The following PRKG1 variants were observed in gnomAD, a reference collection of about 807,000 sequenced individuals.
The protein encoded by PRKG1 is cGMP-dependent protein kinase 1.
PRKG1 carries 35 observed loss-of-function variants against 88.1 expected under a neutral mutation model. The observed-to-expected ratio is 0.40, with a 90% confidence interval of 0.30 to 0.53. The LOEUF (loss-of-function observed/expected upper bound fraction) is 0.53. PRKG1 is among the 20% of genes least tolerant of loss of function. The pLI, the probability that PRKG1 is intolerant of heterozygous loss-of-function variation, is 0.59. For synonymous variants in PRKG1, 303 were observed against 292.5 expected (o/e 1.04, Z -0.37); for missense variants, 540 against 839.8 (o/e 0.64, Z 4.41).
chr10:52,059,414 A>T (rs1382169050), intron 6 of PRKG1, among the ~76,000 whole-genome samples: 1 of 129,542 alleles, frequency 7.7e-6, no homozygotes, highest in Admixed American at 8.6e-5. Context: ...GAAATAAACA[A>T]ATTGTGTCAT....
chr10:52,089,902 C>T (rs1402946009), intron 7 of PRKG1, among the ~76,000 whole-genome samples: 2 of 140,484 alleles, frequency 1.4e-5, no homozygotes, highest in Non-Finnish European at 3.0e-5. Context: ...GCAACCTCTG[C>T]CTGCCACGTT....
chr10:51,096,097 A>G (rs1844520398), intron 1 of PRKG1, among the ~76,000 whole-genome samples: 1 of 152,108 alleles, frequency 6.6e-6, no homozygotes, highest in South Asian at 2.1e-4. Flanking sequence ...CTTTTTATTT[A>G]ATAAATTTAG....
chr10:52,246,876 C>CAA (rs756775020), intron 9 of PRKG1, among the ~76,000 whole-genome samples: 16,049 of 54,616 alleles, frequency 0.29, 1,835 homozygotes, highest in South Asian at 0.36. Flanking sequence ...AACACAGTCT[C>CAA]AAAAAAAAAA....
chr10:51,204,863 G>A (rs893219335), intron 2 of PRKG1, among the ~76,000 whole-genome samples: 1 of 152,096 alleles, frequency 6.6e-6, no homozygotes, highest in Non-Finnish European at 1.5e-5. Context: ...GAAGGGATTG[G>A]AGCTGAGTTT....
intron 3 of PRKG1, among the ~76,000 whole-genome samples, chr10:51,535,841 G>A (rs1842136524): frequency 6.6e-6 from 1 of 151,336 alleles, no homozygotes; most frequent in African/African-American, 2.4e-5. Context: ...TCCTGTCTCA[G>A]CCTCCTGAGT....
chr10:51,442,045 G>T (rs1839126276), intron 2 of PRKG1, among the ~76,000 whole-genome samples: 1 of 151,414 alleles, frequency 6.6e-6, no homozygotes, highest in African/African-American at 2.4e-5. Flanking sequence ...AATGTGGGAA[G>T]TTTTACTTTT....
intron 5 of PRKG1, among the ~76,000 whole-genome samples, chr10:51,967,488 A>G (rs1292279206): frequency 1.3e-5 from 2 of 152,142 alleles, no homozygotes; most frequent in Non-Finnish European, 2.9e-5. Context: ...GCAGCACACC[A>G]ACATGGCACA....
At chr10:52,210,095 G>A (rs1323509093) in intron 9 of PRKG1, among the ~76,000 whole-genome samples, 1 of 152,116 alleles carries the variant, frequency 6.6e-6, no homozygotes, top group Non-Finnish European at 1.5e-5. Context: ...TAAACATTTA[G>A]ATGATGCCTA....
intron 2 of PRKG1, among the ~76,000 whole-genome samples, chr10:51,235,225 T>G (rs1838953091): frequency 1.3e-5 from 2 of 152,178 alleles, no homozygotes. Flanking sequence ...TGTTACTTAT[T>G]GTGGTATCTG....
chr10:52,092,978 C>T (rs1223425262), intron 7 of PRKG1, among the ~76,000 whole-genome samples: 1 of 152,074 alleles, frequency 6.6e-6, no homozygotes, highest in African/African-American at 2.4e-5. Flanking sequence ...ACTGTAGAAT[C>T]CTGGTTTTGA....
intron 3 of PRKG1, among the ~76,000 whole-genome samples, chr10:51,700,731 T>C (rs1270580524): frequency 6.6e-6 from 1 of 152,214 alleles, no homozygotes; most frequent in Non-Finnish European, 1.5e-5. Flanking sequence ...ATTGAATATA[T>C]GAAATGAAGC....
chr10:51,934,207 A>T (rs1842754404), intron 5 of PRKG1, among the ~76,000 whole-genome samples: 1 of 152,018 alleles, frequency 6.6e-6, no homozygotes, highest in Non-Finnish European at 1.5e-5. Context: ...TCATTGGAAA[A>T]GAAAAAATCC....
chr10:52,118,312 C>T (rs1484612295), intron 7 of PRKG1, among the ~76,000 whole-genome samples: 2 of 151,856 alleles, frequency 1.3e-5, no homozygotes. Context: ...TTATTATCAC[C>T]TTGCAGAAAC....
chr10:51,351,272 C>G (rs183441398), intron 2 of PRKG1, among the ~76,000 whole-genome samples: 94 of 152,184 alleles, frequency 6.2e-4, no homozygotes, highest in African/African-American at 2.1e-3. Flanking sequence ...GGGTATTTAC[C>G]CAGTAATGGG....
intron 2 of PRKG1, among the ~76,000 whole-genome samples, chr10:51,401,105 A>T (rs993460080): frequency 2.6e-5 from 4 of 152,236 alleles, no homozygotes; most frequent in African/African-American, 9.6e-5. Flanking sequence ...ACACTATAAA[A>T]TTTTTTAAAA....
At chr10:52,028,719 A>G (rs1407699764) in intron 5 of PRKG1, among the ~76,000 whole-genome samples, 5 of 152,136 alleles carry the variant, frequency 3.3e-5, no homozygotes, top group Non-Finnish European at 5.9e-5. Flanking sequence ...ATTGGTTTTG[A>G]TATTTTGAAC....
chr10:51,312,445 C>T (rs1392890700), intron 2 of PRKG1, among the ~76,000 whole-genome samples: 1 of 152,166 alleles, frequency 6.6e-6, no homozygotes, highest in East Asian at 1.9e-4. Flanking sequence ...AGGCAGTCAA[C>T]TCACTGTCAG....
At chr10:51,809,679 C>A (rs1839401278) in intron 4 of PRKG1, among the ~76,000 whole-genome samples, 1 of 152,142 alleles carries the variant, frequency 6.6e-6, no homozygotes, top group African/African-American at 2.4e-5. Context: ...ATGGCAGGGG[C>A]TTTTTGGAAT....
chr10:52,052,668 A>C (rs1221552419), intron 5 of PRKG1, among the ~76,000 whole-genome samples: 2 of 152,146 alleles, frequency 1.3e-5, no homozygotes, highest in African/African-American at 4.8e-5. Context: ...AATGAGAGCC[A>C]AGCCAAAGAG....
Sources: gnomAD v4.1 joint callset for allele counts (sites outside exome capture counted in the v4.1 genomes callset) on GRCh38, gnomAD v4.1.1 for gene constraint, MANE v1.5 for transcripts, NCBI Gene and HGNC (gene_info 2026-07-23, HGNC 2026-07-21) for gene names.